The following SERINC5 variants were observed in gnomAD, a reference collection of about 807,000 sequenced individuals.
The protein encoded by SERINC5 is serine incorporator 5.
A neutral mutation model predicts 63.1 loss-of-function variants in SERINC5; 41 were observed. That is an observed-to-expected ratio of 0.65 (90% confidence interval 0.51 to 0.84). The LOEUF (loss-of-function observed/expected upper bound fraction) is 0.84, where lower values mean the gene tolerates loss of function less well. SERINC5 is among the 40% of genes least tolerant of loss of function. The pLI is 0.00. For missense variants in SERINC5, 523 were observed against 573.0 expected (o/e 0.91, Z 0.89); for synonymous variants, 222 against 215.2 (o/e 1.03, Z -0.28).
At chr5:80,119,591 C>T (rs966972104) in intron 11 of SERINC5, among the ~76,000 whole-genome samples, 1 of 152,186 alleles carries the variant, frequency 6.6e-6, no homozygotes, top group Admixed American at 6.5e-5. Context: ...GATGGAAGGT[C>T]AGCTACACTG....
intron 1 of SERINC5, among the ~76,000 whole-genome samples, chr5:80,244,273 T>C (rs1752070480): frequency 6.6e-6 from 1 of 151,270 alleles, no homozygotes; most frequent in Non-Finnish European, 1.5e-5. Context: ...TGGAGTGCAA[T>C]GGCACGATCT....
At chr5:80,112,870 G>C (rs1744175042) in intron 12 of SERINC5, among the ~76,000 whole-genome samples, 1 of 152,114 alleles carries the variant, frequency 6.6e-6, no homozygotes, top group African/African-American at 2.4e-5. Context: ...AGGCTGAGGT[G>C]GGAGAATCAG....
intron 7 of SERINC5, among the ~76,000 whole-genome samples, chr5:80,161,528 T>C (rs992826066): frequency 6.6e-6 from 1 of 152,196 alleles, no homozygotes; most frequent in African/African-American, 2.4e-5. Flanking sequence ...TCTATTCATG[T>C]TCTTTGACTA....
At chr5:80,243,044 C>A (rs1307211083) in intron 1 of SERINC5, among the ~76,000 whole-genome samples, 1 of 152,190 alleles carries the variant, frequency 6.6e-6, no homozygotes, top group Non-Finnish European at 1.5e-5. Flanking sequence ...TTAAAGCCTT[C>A]TTCCTTGGCA....
intron 7 of SERINC5, among the ~76,000 whole-genome samples, chr5:80,160,051 T>C (rs1469654017): frequency 1.3e-5 from 2 of 152,218 alleles, no homozygotes; most frequent in Non-Finnish European, 2.9e-5. Context: ...CCCTAACAGT[T>C]GGTCAGAAGT....
At chr5:80,131,468 G>T (rs548315831) in intron 11 of SERINC5, among the ~76,000 whole-genome samples, 2 of 152,198 alleles carry the variant, frequency 1.3e-5, no homozygotes, top group African/African-American at 4.8e-5. Context: ...TGGGCCAAGT[G>T]CTATCCAAGG....
rs1397777786 is a variant in SERINC5 at position 80,202,968 on chromosome 5, A to G, written c.113T>C (p.Met38Thr). 1.9e-6 allele frequency: 3 copies of G among 1,613,704 alleles called. No individual in the cohort carries two copies. The South Asian group carries it at 3.3e-5, about 18-fold the overall frequency. ...RIRQSLSTRF[M>T]YALYFILVVV... ...GACCAGAATGAAGTAGAGGGCGTAC[A>G]TGAAGCGGGTGCTGAGGGACTGCCG... Residue 38 changes from methionine to threonine, a missense_variant, in exon 2 of 12, where the codon ATG becomes ACG. Coordinates refer to ENST00000507668, the MANE Select transcript of SERINC5 (RefSeq NM_001174072.3).
rs77510704 is a variant in SERINC5, at chr5:80,142,665, C to T, written c.*998G>A. 6,135 of 985,376 alleles carry T rather than the reference C, an allele frequency of 6.2e-3. 317 individuals carry two copies. In the African/African-American group the frequency reaches 0.099, roughly 16 times the overall value. The allele number at this position is 985,376 out of a possible 1,614,324, so 61.0% of individuals were successfully genotyped here. A position where few individuals can be genotyped will look rare whatever the true frequency, so the allele number is the denominator to read the frequency against. On this transcript the variant is annotated 3_prime_UTR_variant, in exon 12 of 12. Transcript: ENST00000507668. ...ACAGATCCAGAACACAAAACGACTT[C>T]CGCTTTTACAGTTTCAAAGGCCTCA...
chr5:80,128,416 G>A (rs150499575), intron 11 of SERINC5: 5 of 152,324 alleles, frequency 3.3e-5, no homozygotes, highest in African/African-American at 1.2e-4. Flanking sequence ...AACATCCCAG[G>A]TTTTTAAGTC....
rs900771091 is a variant in SERINC5 at position 80,141,215 on chromosome 5, C to G, written c.*2448G>C. The G allele has an allele frequency of 1.0e-6, 1 of 985,334 alleles. No homozygotes were observed. The highest frequency in any genetic ancestry group is 1.7e-5 in the African/African-American group (1 of 57,236). 61.0% of individuals were successfully genotyped at this position (985,334 alleles called of 1,614,324 possible). ...TTTCAGCTGAGAATAAAATTCAGAG[C>G]AACTGTAACTCTTCCTCTTGCATCA... On this transcript the variant is annotated 3_prime_UTR_variant, in exon 12 of 12. Coordinates refer to ENST00000507668, the MANE Select transcript of SERINC5 (RefSeq NM_001174072.3).
At chr5:80,203,255 C>CATATAT in intron 1 of SERINC5, 1 of 328,646 alleles carries the variant, frequency 3.0e-6, no homozygotes, top group Non-Finnish European at 5.7e-6. Flanking sequence ...AATATATATA[C>CATATAT]ACATATATAT....
At chr5:80,169,214 A>G in intron 6 of SERINC5, 121 bp downstream of exon 6, 1 of 769,900 alleles carries the variant, frequency 1.3e-6, no homozygotes. Context: ...TGACACATCC[A>G]CAGTAAGTTA....
chr5:80,122,197 GTA>G (rs10700420), intron 11 of SERINC5, among the ~76,000 whole-genome samples: 11 of 116,658 alleles, frequency 9.4e-5, no homozygotes, highest in Admixed American at 2.4e-4. Flanking sequence ...AGAACTAATA[GTA>G]TATATATATA....
chr5:80,113,615 GA>G lies in SERINC5; in HGVS notation c.1248del (p.His417ThrfsTer?). Reference sequence around the variant, plus strand: ...AGGCCTCAGAATCATGGCAGGAGGTGAAAGGCACTTCTTACATGGCAGCAGC... The same window carrying G: ...AGGCCTCAGAATCATGGCAGGAGGTGAAGGCACTTCTTACATGGCAGCAGC... On this transcript the variant is annotated frameshift_variant, in exon 12 of 13. Coordinates refer to the SERINC5 transcript ENST00000509193. LOFTEE classifies it high-confidence loss of function. 3.4e-6 allele frequency: 1 copy of G among 293,288 alleles called. No homozygotes were observed. Among genetic ancestry groups the G allele is most frequent in the Admixed American group, 3.6e-5 (1 of 28,084 alleles). The allele number at this position is 293,288 out of a possible 1,614,324, so 18.2% of individuals were successfully genotyped here.
At chr5:80,159,312 A>T (rs980532159) in intron 7 of SERINC5, among the ~76,000 whole-genome samples, 3 of 152,196 alleles carry the variant, frequency 2.0e-5, no homozygotes, top group Non-Finnish European at 4.4e-5. Context: ...TGCAGATACC[A>T]AGCAGTGCTG....
chr5:80,202,949 A>G lies in SERINC5; in HGVS notation c.132T>C (p.Ile44=). The part of the protein sequence containing the change: ...STRFMYALYF[I]LVVVLCCIMM... ...TGATGCAGCAGAGGACGACGACCAG[A>G]ATGAAGTAGAGGGCGTACATGAAGC... Residue 44 remains isoleucine (I), a synonymous_variant, in exon 2 of 12, where the codon ATT becomes ATC. Coordinates refer to ENST00000507668, the MANE Select transcript of SERINC5 (RefSeq NM_001174072.3). 6.2e-7 allele frequency: 1 copy of G among 1,613,760 alleles called. No homozygotes were observed. The highest frequency in any genetic ancestry group is 1.1e-5 in the South Asian group (1 of 91,062).
At chr5:80,234,224 T>C (rs1751585858) in intron 1 of SERINC5, among the ~76,000 whole-genome samples, 1 of 152,192 alleles carries the variant, frequency 6.6e-6, no homozygotes, top group African/African-American at 2.4e-5. Flanking sequence ...TGAATAATAC[T>C]TCCTAATAAT....
At chr5:80,156,710 T>C (rs1313540298) in intron 8 of SERINC5, among the ~76,000 whole-genome samples, 2 of 152,192 alleles carry the variant, frequency 1.3e-5, no homozygotes, top group Non-Finnish European at 2.9e-5. Flanking sequence ...ATTGACATCT[T>C]TTGGGAATAT....
intron 1 of SERINC5, among the ~76,000 whole-genome samples, chr5:80,225,664 C>G (rs1466525409): frequency 6.6e-6 from 1 of 152,222 alleles, no homozygotes; most frequent in Non-Finnish European, 1.5e-5. Context: ...AAGACAGCAG[C>G]TTTGCTACTT....
Sources: gnomAD v4.1 joint callset for allele counts (sites outside exome capture counted in the v4.1 genomes callset) on GRCh38, gnomAD v4.1.1 for gene constraint, MANE v1.5 for transcripts, NCBI Gene and HGNC (gene_info 2026-07-23, HGNC 2026-07-21) for gene names.